The following FBXO34 variants were observed in gnomAD, a reference collection of about 807,000 sequenced individuals.
The protein encoded by FBXO34 is F-box only protein 34.
In FBXO34, 12 loss-of-function variants were observed where a neutral mutation model predicts 24.5. The ratio of observed to expected loss-of-function variants is 0.49; its 90% CI spans 0.31 to 0.79. The LOEUF is 0.79. Ranked by LOEUF, FBXO34 falls within the 30% of genes least tolerant of loss-of-function variation. The probability of loss-of-function intolerance (pLI) is 0.04; values close to 1 mark genes in which losing one functional copy is unlikely to be tolerated. For synonymous variants in FBXO34, 320 were observed against 311.9 expected, an observed-to-expected ratio of 1.03 and a Z score of -0.27; for missense variants, 823 against 857.7, an observed-to-expected ratio of 0.96 and a Z score of 0.51.
chr14:55,359,457 C>T (rs537300132), intron 3 of FBXO34, among the ~76,000 whole-genome samples: 7 of 152,186 alleles, frequency 4.6e-5, no homozygotes, highest in Non-Finnish European at 7.3e-5. Context: ...ACTAAGTGTA[C>T]AATAGCATTA....
At chr14:55,336,459 G>A (rs1001611366) in intron 1 of FBXO34, among the ~76,000 whole-genome samples, 13 of 152,098 alleles carry the variant, frequency 8.5e-5, no homozygotes, top group South Asian at 4.1e-4. Context: ...ACTCCAAATC[G>A]GACAGTTTGT....
At chr14:55,377,721 GT>G in the FBXO34 span, 2 of 813,044 alleles carry the variant, frequency 2.5e-6, no homozygotes, top group Non-Finnish European at 3.8e-6. Flanking sequence ...GGTTTGAGGA[GT>G]TTGGGATTAG....
At chr14:55,399,321 C>T in the FBXO34 span, among the ~76,000 whole-genome samples, 2 of 152,224 alleles carry the variant, frequency 1.3e-5, no homozygotes, top group South Asian at 2.1e-4. Context: ...CTGCCATCCA[C>T]ATTCCAACAG....
At chr14:55,391,886 T>C in the FBXO34 span, among the ~76,000 whole-genome samples, 550 of 152,304 alleles carry the variant, frequency 3.6e-3, 2 homozygotes, top group Non-Finnish European at 6.0e-3. Context: ...AAACATTATT[T>C]TTTCAGTGCA....
chr14:55,382,014 G>A, the FBXO34 span: 3 of 1,614,102 alleles, frequency 1.9e-6, no homozygotes, highest in Non-Finnish European at 1.7e-6. Context: ...AGGCAGAGTA[G>A]TCCCCATTGT....
At chr14:55,278,041 G>A (rs888898464) in intron 1 of FBXO34, among the ~76,000 whole-genome samples, 3 of 152,104 alleles carry the variant, frequency 2.0e-5, no homozygotes, top group African/African-American at 7.2e-5. Flanking sequence ...CCGCAGCACC[G>A]AGAACCATGT....
intron 1 of FBXO34, among the ~76,000 whole-genome samples, chr14:55,305,182 G>A (rs951530593): frequency 3.9e-5 from 6 of 152,222 alleles, no homozygotes; most frequent in African/African-American, 1.2e-4. Flanking sequence ...GGAGGTCGAG[G>A]CGGGTGGATC....
chr14:55,309,074 T>C (rs550241983), intron 1 of FBXO34, among the ~76,000 whole-genome samples: 1 of 152,362 alleles, frequency 6.6e-6, no homozygotes, highest in Admixed American at 6.5e-5. Context: ...GACAAACATG[T>C]ATTTAATATC....
intron 1 of FBXO34, among the ~76,000 whole-genome samples, chr14:55,291,340 TACCTAGA>T (rs1881939263): frequency 1.3e-5 from 2 of 152,206 alleles, no homozygotes; most frequent in South Asian, 4.1e-4. Flanking sequence ...ATACTGATGA[TACCTAGA>T]AAGCATGGAT....
the FBXO34 span, among the ~76,000 whole-genome samples, chr14:55,390,231 C>A: frequency 6.6e-6 from 1 of 151,910 alleles, no homozygotes; most frequent in Non-Finnish European, 1.5e-5. Flanking sequence ...CCACCACGCC[C>A]GGCTAATTTT....
At position 55,330,163 on chromosome 14, in the gene FBXO34, G is replaced by A. The variant is rs17128411; in HGVS notation, c.-10-20218G>A. The stretch of plus-strand genomic sequence containing the variant: ...CTACACTTAATTGCTAACAAACAGC[G>A]ACTTAAAAATCTGACATTTTAACCT... On this transcript the variant is annotated intron_variant, in intron 1 of 1. Coordinates refer to ENST00000313833, the MANE Select transcript of FBXO34 (RefSeq NM_017943.4). Among the ~76,000 whole-genome samples, 1,517 of 152,182 alleles carry A rather than the reference G, an allele frequency of 1.0e-2. 21 individuals are homozygous for A. Among genetic ancestry groups the A allele is most frequent in the African/African-American group, 0.035 (1,455 of 41,506 alleles).
chr14:55,344,216 T>C (rs1445617199), intron 1 of FBXO34, among the ~76,000 whole-genome samples: 4 of 152,194 alleles, frequency 2.6e-5, no homozygotes, highest in Non-Finnish European at 1.5e-5. Flanking sequence ...TTTGACTTCT[T>C]GTCCACTGTA....
At chr14:55,362,257 A>C (rs1884603151), downstream of FBXO34, among the ~76,000 whole-genome samples, 1 of 152,224 alleles carries the variant, frequency 6.6e-6, no homozygotes, top group African/African-American at 2.4e-5. Flanking sequence ...TAGAATACAC[A>C]CATTTATTAA....
In FBXO34 at chr14:55,350,701, C is replaced by T; in HGVS notation, c.311C>T (p.Pro104Leu). 1 of 1,613,432 alleles carries T rather than the reference C, an allele frequency of 6.2e-7. No individual in the cohort carries two copies. ...ATCCACCAGGGCGAAGAAGAAGGACCACTTGATATCTGGGCTGTTGTGAAA... is the reference window on the plus strand; with the variant it reads ...ATCCACCAGGGCGAAGAAGAAGGACTACTTGATATCTGGGCTGTTGTGAAA... Reference protein sequence around the residue: ...ATIHQGEEEGPLDIWAVVKPG... With the variant: ...ATIHQGEEEGLLDIWAVVKPG... The change falls in exon 2 of 2, where the codon CCA becomes CTA. Residue 104 changes from proline to leucine, a missense_variant. Pro to Leu is a moderately conservative substitution (Grantham distance 98). Coordinates refer to ENST00000313833, the MANE Select transcript of FBXO34 (RefSeq NM_017943.4).
At chr14:55,382,816 TA>T in the FBXO34 span, among the ~76,000 whole-genome samples, 1 of 152,204 alleles carries the variant, frequency 6.6e-6, no homozygotes. Context: ...TCTACGTGTT[TA>T]AAACACTTTG....
At chr14:55,381,492 A>C in the FBXO34 span, among the ~76,000 whole-genome samples, 1 of 152,374 alleles carries the variant, frequency 6.6e-6, no homozygotes, top group African/African-American at 2.4e-5. Flanking sequence ...CATCTAAAAA[A>C]TGTTTTCAGT....
the FBXO34 span, among the ~76,000 whole-genome samples, chr14:55,401,435 G>T: frequency 6.6e-6 from 1 of 151,766 alleles, no homozygotes; most frequent in Non-Finnish European, 1.5e-5. Flanking sequence ...TAGTTTTTGT[G>T]CTGTTTTCTG....
intron 1 of FBXO34, among the ~76,000 whole-genome samples, chr14:55,321,348 C>A (rs1030840690): frequency 2.6e-5 from 4 of 152,116 alleles, no homozygotes; most frequent in Admixed American, 6.5e-5. Context: ...TTCCCTGGCT[C>A]CCTTGCATTG....
At chr14:55,377,432 C>T in the FBXO34 span, among the ~76,000 whole-genome samples, 1 of 152,074 alleles carries the variant, frequency 6.6e-6, no homozygotes, top group Middle Eastern at 3.4e-3. Flanking sequence ...AGGGCAGACA[C>T]TAGGTAGGGC....
Sources: allele counts gnomAD v4.1 joint callset (sites outside exome capture counted in the v4.1 genomes callset), GRCh38; gene constraint gnomAD v4.1.1; transcripts MANE v1.5; gene names NCBI Gene and HGNC (gene_info 2026-07-23, HGNC 2026-07-21).